ATG7: variants seen among roughly 807,000 people sequenced by gnomAD.
ATG7 encodes the protein autophagy related 7, also known as ubiquitin-like modifier-activating enzyme ATG7.
A neutral mutation model predicts 82.4 loss-of-function variants in ATG7; 70 were observed. The ratio of observed to expected loss-of-function variants is 0.85; its 90% CI spans 0.70 to 1.04. The LOEUF is 1.04. Ranked by LOEUF, ATG7 falls within the 50% of genes least tolerant of loss-of-function variation. ATG7 has a pLI of 0.00. For missense variants in ATG7, 792 were observed against 864.3 expected (o/e 0.92, Z 1.05); for synonymous variants, 287 against 313.0 (o/e 0.92, Z 0.88).
chr3:11,540,960 T>C (rs373791644), intron 20 of ATG7, among the ~76,000 whole-genome samples: 5 of 145,736 alleles, frequency 3.4e-5, no homozygotes, highest in East Asian at 2.0e-4. Context: ...AGTGCAGTGG[T>C]GCAATCTTGG....
chr3:11,403,640 G>A (rs1213583243), intron 19 of ATG7, among the ~76,000 whole-genome samples: 1 of 152,150 alleles, frequency 6.6e-6, no homozygotes, highest in Non-Finnish European at 1.5e-5. Context: ...TATTAAGTAG[G>A]TGAAGCAGTC....
At chr3:11,407,364 T>A (rs2080444065) in intron 19 of ATG7, among the ~76,000 whole-genome samples, 1 of 152,220 alleles carries the variant, frequency 6.6e-6, no homozygotes, top group African/African-American at 2.4e-5. Flanking sequence ...GGGTGCAGCC[T>A]CCCTCCTGGC....
intron 5 of ATG7, among the ~76,000 whole-genome samples, chr3:11,301,124 A>G (rs1475254323): frequency 2.0e-5 from 3 of 152,204 alleles, no homozygotes; most frequent in African/African-American, 4.8e-5. Context: ...AGAGAAACCA[A>G]AGAAGGCAAT....
At chr3:11,439,950 G>A (rs1210281043) in intron 20 of ATG7, among the ~76,000 whole-genome samples, 2 of 152,202 alleles carry the variant, frequency 1.3e-5, no homozygotes, top group Non-Finnish European at 2.9e-5. Flanking sequence ...TGTCAAGACT[G>A]TAGCTATGCT....
At chr3:11,326,164 G>C (rs145719245) in intron 9 of ATG7, among the ~76,000 whole-genome samples, 1 of 152,130 alleles carries the variant, frequency 6.6e-6, no homozygotes, top group African/African-American at 2.4e-5. Flanking sequence ...TTACTGTTAA[G>C]CAAGTGAGTT....
intron 5 of ATG7, among the ~76,000 whole-genome samples, chr3:11,303,228 G>A (rs1430993094): frequency 1.3e-5 from 2 of 152,220 alleles, no homozygotes; most frequent in Non-Finnish European, 2.9e-5. Context: ...ATTCTACTGA[G>A]GAGAACTCGT....
chr3:11,556,067 T>G lies in ATG7; in HGVS notation c.*1224T>G, dbSNP rs1559839502. 1 of 152,752 alleles carries G rather than the reference T, an allele frequency of 6.5e-6. No individual in the cohort carries two copies. The highest frequency in any genetic ancestry group is 2.4e-5 in the African/African-American group (1 of 41,452). The allele number at this position is 152,752 out of a possible 1,614,324, so 9.5% of individuals were successfully genotyped here. On this transcript the variant is annotated 3_prime_UTR_variant, in exon 21 of 21. Coordinates refer to ENST00000693202, the MANE Select transcript of ATG7 (RefSeq NM_001349232.2). ...GCGCTGAAACTGCACACGTACACTA[T>G]GTGGTTTAAGAGCACTTTATTATTG...
At chr3:11,502,402 G>A (rs1468336712) in intron 20 of ATG7, among the ~76,000 whole-genome samples, 24 of 116,246 alleles carry the variant, frequency 2.1e-4, no homozygotes, top group Non-Finnish European at 3.2e-4. Context: ...AGTCCCCAGA[G>A]TGTGATGTTC....
At chr3:11,303,476 T>C (rs905468229) in intron 5 of ATG7, among the ~76,000 whole-genome samples, 1 of 151,614 alleles carries the variant, frequency 6.6e-6, no homozygotes. Context: ...AAGACCATCC[T>C]GGCTAACATG....
intron 20 of ATG7, among the ~76,000 whole-genome samples, chr3:11,512,874 G>T (rs1364971512): frequency 2.0e-5 from 3 of 152,192 alleles, no homozygotes; most frequent in Non-Finnish European, 4.4e-5. Flanking sequence ...GAGCTGATTG[G>T]TCCATTTTAC....
intron 1 of ATG7, among the ~76,000 whole-genome samples, chr3:11,278,716 G>A (rs145685033): frequency 3.5e-4 from 53 of 152,302 alleles, no homozygotes; most frequent in African/African-American, 1.2e-3. Flanking sequence ...TAAGTCAGGT[G>A]CTAGAAAAAC....
intron 20 of ATG7, among the ~76,000 whole-genome samples, chr3:11,505,077 A>G (rs967340688): frequency 6.6e-6 from 1 of 152,248 alleles, no homozygotes; most frequent in Non-Finnish European, 1.5e-5. Flanking sequence ...GTATCAGGTA[A>G]GTCTCTACGG....
chr3:11,466,592 G>A (rs1395275881), intron 20 of ATG7, among the ~76,000 whole-genome samples: 2 of 152,204 alleles, frequency 1.3e-5, no homozygotes, highest in Non-Finnish European at 2.9e-5. Context: ...CAGCGTCGGT[G>A]CTTATAAGTT....
intron 20 of ATG7, among the ~76,000 whole-genome samples, chr3:11,553,325 A>C (rs2072007904): frequency 6.6e-6 from 1 of 151,628 alleles, no homozygotes; most frequent in Non-Finnish European, 1.5e-5. Flanking sequence ...TGAAAGAGGG[A>C]GTATTCGCAG....
intron 20 of ATG7, among the ~76,000 whole-genome samples, chr3:11,431,683 G>T (rs1416227434): frequency 2.0e-5 from 3 of 152,076 alleles, no homozygotes; most frequent in Admixed American, 6.6e-5. Context: ...TGTTTTTAAG[G>T]TTTATTCATG....
At chr3:11,481,070 T>G (rs923719343) in intron 20 of ATG7, among the ~76,000 whole-genome samples, 1 of 152,284 alleles carries the variant, frequency 6.6e-6, no homozygotes, top group Non-Finnish European at 1.5e-5. Context: ...TATGTAATAG[T>G]TGATCCTCTT....
intron 19 of ATG7, among the ~76,000 whole-genome samples, chr3:11,396,633 T>G (rs2079304051): frequency 2.6e-5 from 4 of 151,998 alleles, no homozygotes; most frequent in Non-Finnish European, 5.9e-5. Context: ...AAACTAAAGT[T>G]TAGCCGGGCA....
intron 1 of ATG7, among the ~76,000 whole-genome samples, chr3:11,273,031 G>A (rs1225242338): frequency 3.9e-5 from 6 of 152,224 alleles, no homozygotes; most frequent in Admixed American, 3.9e-4. Context: ...TATAAGTACA[G>A]TACTAACGTA....
intron 14 of ATG7, among the ~76,000 whole-genome samples, chr3:11,349,935 CT>C (rs1269494519): frequency 6.6e-6 from 1 of 152,110 alleles, no homozygotes; most frequent in Non-Finnish European, 1.5e-5. Flanking sequence ...TGACAGTTTT[CT>C]TTTTTTAAGG....
Sources: allele counts gnomAD v4.1 joint callset (sites outside exome capture counted in the v4.1 genomes callset), GRCh38; gene constraint gnomAD v4.1.1; transcripts MANE v1.5; gene names NCBI Gene and HGNC (gene_info 2026-07-23, HGNC 2026-07-21).